The following STK32B variants were observed in gnomAD, a reference collection of about 807,000 sequenced individuals.
STK32B encodes the protein serine/threonine-protein kinase 32B.
Under a neutral mutation model 52.6 loss-of-function variants are expected in STK32B, and 43 were observed. The observed-to-expected ratio is 0.82, with a 90% CI of 0.64 to 1.05. The LOEUF is 1.05. STK32B is among the 50% of genes least tolerant of loss of function. The probability of loss-of-function intolerance (pLI) is 0.00; values close to 1 mark genes in which losing one functional copy is unlikely to be tolerated. For synonymous variants in STK32B, 238 were observed against 204.3 expected, an observed-to-expected ratio of 1.17 and a Z score of -1.41; for missense variants, 621 against 534.6, an observed-to-expected ratio of 1.16 and a Z score of -1.59.
chr4:5,382,266 G>A (rs960862112), intron 4 of STK32B, among the ~76,000 whole-genome samples: 1 of 152,164 alleles, frequency 6.6e-6, no homozygotes, highest in Non-Finnish European at 1.5e-5. Flanking sequence ...TCCCGCTGGT[G>A]ACCCTGGGAA....
chr4:5,438,297 C>A (rs116771631), intron 6 of STK32B, among the ~76,000 whole-genome samples: 305 of 152,236 alleles, frequency 2.0e-3, no homozygotes, highest in Non-Finnish European at 3.7e-3. Flanking sequence ...AGGTGGGATT[C>A]GGAATAGCAC....
intron 6 of STK32B, among the ~76,000 whole-genome samples, chr4:5,446,160 C>CA (rs1715400012): frequency 6.6e-6 from 1 of 152,230 alleles, no homozygotes; most frequent in East Asian, 1.9e-4. Flanking sequence ...CCGGTAGTGT[C>CA]ACGCCAGTGC....
At chr4:5,311,060 A>G (rs1730260509) in intron 3 of STK32B, among the ~76,000 whole-genome samples, 1 of 152,302 alleles carries the variant, frequency 6.6e-6, no homozygotes. Context: ...GAAAATTAGC[A>G]TGGAGGGAGG....
At chr4:5,330,816 C>G (rs1732188051) in intron 3 of STK32B, among the ~76,000 whole-genome samples, 1 of 152,158 alleles carries the variant, frequency 6.6e-6, no homozygotes, top group African/African-American at 2.4e-5. Context: ...CATGCATATG[C>G]AGGGAATGGA....
chr4:5,186,547 T>C (rs1005253901), intron 3 of STK32B, among the ~76,000 whole-genome samples: 1 of 152,148 alleles, frequency 6.6e-6, no homozygotes, highest in Non-Finnish European at 1.5e-5. Context: ...CTGGGATGGT[T>C]ATCGTGCTTT....
intron 6 of STK32B, among the ~76,000 whole-genome samples, chr4:5,429,191 T>C (rs1351547619): frequency 6.6e-6 from 1 of 152,226 alleles, no homozygotes; most frequent in Non-Finnish European, 1.5e-5. Context: ...CCTATCTCTT[T>C]GTCTTTATTT....
At chr4:5,447,014 A>G (rs1715517063) in intron 7 of STK32B, 3 of 454,732 alleles carry the variant, frequency 6.6e-6, no homozygotes, top group Non-Finnish European at 1.2e-5. Flanking sequence ...TCTTACACAA[A>G]GGCCCACAGC....
intron 1 of STK32B, among the ~76,000 whole-genome samples, chr4:5,073,357 CTTGCA>C (rs1166454136): frequency 7.2e-5 from 11 of 151,944 alleles, no homozygotes; most frequent in Non-Finnish European, 1.5e-4. Flanking sequence ...CACAGCCTTA[CTTGCA>C]TTATTATGCT....
intron 1 of STK32B, among the ~76,000 whole-genome samples, chr4:5,104,751 G>A (rs1399420410): frequency 6.6e-6 from 1 of 152,022 alleles, no homozygotes; most frequent in African/African-American, 2.4e-5. Flanking sequence ...CTGTTTTTGA[G>A]CTTTATATAA....
At chr4:5,206,516 A>C (rs941061263) in intron 3 of STK32B, among the ~76,000 whole-genome samples, 2 of 152,126 alleles carry the variant, frequency 1.3e-5, no homozygotes, top group African/African-American at 2.4e-5. Flanking sequence ...ACTTCTTCCA[A>C]CAACAGTCAT....
chr4:5,443,451 C>G (rs1443995364), intron 6 of STK32B, among the ~76,000 whole-genome samples: 1 of 152,140 alleles, frequency 6.6e-6, no homozygotes, highest in South Asian at 2.1e-4. Context: ...GTTTTCAGCT[C>G]CATCAGCTCC....
At chr4:5,261,946 T>C (rs1252085491) in intron 3 of STK32B, among the ~76,000 whole-genome samples, 1 of 152,118 alleles carries the variant, frequency 6.6e-6, no homozygotes, top group Non-Finnish European at 1.5e-5. Context: ...AATAATCAAA[T>C]GTAAATGAGC....
At chr4:5,248,422 G>A (rs545454995) in intron 3 of STK32B, among the ~76,000 whole-genome samples, 1 of 152,292 alleles carries the variant, frequency 6.6e-6, no homozygotes, top group South Asian at 2.1e-4. Flanking sequence ...TATGGTAGAT[G>A]TTCATTATTT....
At chr4:5,368,771 A>G (rs1023793799) in intron 4 of STK32B, among the ~76,000 whole-genome samples, 14 of 152,228 alleles carry the variant, frequency 9.2e-5, no homozygotes, top group Admixed American at 2.6e-4. Context: ...CCAGAAATCC[A>G]CTGCTGGTGT....
intron 6 of STK32B, among the ~76,000 whole-genome samples, chr4:5,434,440 G>A (rs1713860011): frequency 2.0e-5 from 2 of 101,064 alleles, no homozygotes; most frequent in African/African-American, 7.3e-5. Flanking sequence ...GTATGTGTGT[G>A]TGTGTGTGTG....
chr4:5,466,241 C>G (rs1717423651), intron 9 of STK32B, among the ~76,000 whole-genome samples: 1 of 152,250 alleles, frequency 6.6e-6, no homozygotes. Context: ...ACTCTAGCTG[C>G]CAGGGGGCGG....
intron 7 of STK32B, among the ~76,000 whole-genome samples, chr4:5,455,560 A>C (rs1187799422): frequency 6.6e-6 from 1 of 152,194 alleles, no homozygotes; most frequent in African/African-American, 2.4e-5. Context: ...GCAAGAACTC[A>C]AGGTGCAGCC....
Position 5,404,924 on chromosome 4 carries a change from C to G in STK32B, c.472+6680C>G, listed in dbSNP as rs187926387. On this transcript the variant is annotated intron_variant, in intron 5 of 11. Coordinates refer to ENST00000282908, the MANE Select transcript of STK32B (RefSeq NM_018401.3). ...TTCTGTCACCGAGACTGGAGTGCGG[C>G]GGTGCCATCTCGGCTCACTGCAAGC... Among the ~76,000 whole-genome samples the G allele has an allele frequency of 2.2e-5, 3 of 139,442 alleles. No homozygotes were observed. In the Admixed American group the frequency reaches 2.3e-4, roughly 11 times the overall value. 91.5% of individuals were successfully genotyped at this position (139,442 alleles called of 152,430 possible).
chr4:5,382,515 G>T (rs1363229666), intron 4 of STK32B, among the ~76,000 whole-genome samples: 2 of 151,928 alleles, frequency 1.3e-5, no homozygotes, highest in African/African-American at 4.8e-5. Context: ...TGGCAGGAAT[G>T]CAGGGAGATG....
Sources: gnomAD v4.1 joint callset for allele counts (sites outside exome capture counted in the v4.1 genomes callset) on GRCh38, gnomAD v4.1.1 for gene constraint, MANE v1.5 for transcripts, NCBI Gene and HGNC (gene_info 2026-07-23, HGNC 2026-07-21) for gene names.